STAB1: variants seen among roughly 807,000 people sequenced by gnomAD.
STAB1 encodes the protein stabilin-1.
STAB1 carries 250 observed loss-of-function variants against 332.4 expected under a neutral mutation model. The observed-to-expected ratio is 0.75, with a 90% CI of 0.68 to 0.84. The LOEUF is 0.84. Ranked by LOEUF, STAB1 falls within the 40% of genes least tolerant of loss-of-function variation. The pLI, the probability that STAB1 is intolerant of heterozygous loss-of-function variation, is 0.00. For missense variants in STAB1, 3,249 were observed against 3,489.7 expected (o/e 0.93, Z 1.74); for synonymous variants, 1,475 against 1,390.4 (o/e 1.06, Z -1.35).
chr3:52,520,465 C>T lies in STAB1; in HGVS notation c.5565C>T (p.Gly1855=). ...AGCGGCACTTGCCCTTTGAGGGTGG[C>T]CTGGCCTATGGCATCGACCAGCTGC... is the stretch of plus-strand genomic sequence containing the variant. ...IVQRHLPFEG[G]LAYGIDQLLE... The change falls in exon 53 of 69, where the codon GGC becomes GGT. Residue 1855 remains glycine (G), a synonymous_variant. Coordinates refer to ENST00000321725, the MANE Select transcript of STAB1 (RefSeq NM_015136.3). 3.1e-6 allele frequency: 5 copies of T among 1,612,732 alleles called. No homozygotes were observed. The highest frequency in any genetic ancestry group is 1.3e-5 in the African/African-American group (1 of 75,052).
intron 10 of STAB1, 100 bp from the exon 11 acceptor site, chr3:52,504,361 C>A: frequency 2.1e-6 from 3 of 1,406,772 alleles, no homozygotes; most frequent in South Asian, 1.2e-5. Flanking sequence ...AGAATACCCC[C>A]ACCCCAACTC....
chr3:52,514,856 C>T (rs199923876), intron 35 of STAB1, 27 bp downstream of exon 35: 156 of 1,612,798 alleles, frequency 9.7e-5, no homozygotes, highest in African/African-American at 1.9e-4. Flanking sequence ...ACAGGAAGGC[C>T]GGCACGGGAG....
rs372853226 is a variant in STAB1 at position 52,518,766 on chromosome 3, G to A, written c.4931G>A (p.Arg1644His). ...RIRAHRQLVF[R>H]YHVVGCRRLR... Reference sequence around the variant, plus strand: ...CGTGCGCATCGCCAGCTGGTGTTTCGCTACCACGTGGTTGGCTGTCGGCGG... The same window carrying A: ...CGTGCGCATCGCCAGCTGGTGTTTCACTACCACGTGGTTGGCTGTCGGCGG... Residue 1644 changes from arginine to histidine, a missense_variant, in exon 48 of 69, where the codon CGC becomes CAC. Transcript: ENST00000321725. 1.6e-5 allele frequency: 25 copies of A among 1,612,536 alleles called. 1 individual carries two copies. Among genetic ancestry groups the A allele is most frequent in the Admixed American group, 3.3e-5 (2 of 59,988 alleles).
In STAB1 at chr3:52,519,387, G is replaced by T. The variant is rs756728259; in HGVS notation, c.5158G>T (p.Asp1720Tyr). ...CGAGGCGCTGCACTGGGAGCCTGATGATGCTCCCATCCCGAGGGTATGACA... is the reference window on the plus strand; with the variant it reads ...CGAGGCGCTGCACTGGGAGCCTGATTATGCTCCCATCCCGAGGGTATGACA... ...PPEALHWEPD[D>Y]APIPRRNVTA... is the part of the protein sequence containing the mutation. The change falls in exon 49 of 69, where the codon GAT (aspartate) becomes TAT (tyrosine). Residue 1720 changes from aspartate (D) to tyrosine (Y), a missense_variant. Transcript: ENST00000321725. 1 of 1,613,102 alleles carries T rather than the reference G, an allele frequency of 6.2e-7. No individual in the cohort carries two copies. The highest frequency in any genetic ancestry group is 8.5e-7 in the Non-Finnish European group (1 of 1,179,990).
intron 3 of STAB1, 80 bp from the exon 4 acceptor site, chr3:52,501,926 T>C: frequency 5.1e-6 from 8 of 1,557,496 alleles, no homozygotes; most frequent in Non-Finnish European, 7.0e-6. Context: ...AGGGGCCGAG[T>C]CTGGGGTTGG....
At chr3:52,507,793 C>T in intron 19 of STAB1, 118 bp downstream of exon 19, 1 of 1,478,146 alleles carries the variant, frequency 6.8e-7, no homozygotes. Flanking sequence ...CACCTGGAGG[C>T]TAAGTGCTTC....
chr3:52,501,422 C>A (rs1708433881), intron 2 of STAB1, 120 bp downstream of exon 2: 2 of 1,472,598 alleles, frequency 1.4e-6, no homozygotes, highest in Non-Finnish European at 9.2e-7. Flanking sequence ...GCCCCTGTGG[C>A]CCCACCTGGG....
At chr3:52,514,588 A>C (rs1709544789) in intron 34 of STAB1, 92 bp downstream of exon 34, 1 of 1,556,172 alleles carries the variant, frequency 6.4e-7, no homozygotes, top group South Asian at 1.2e-5. Flanking sequence ...TGAGCCTCCA[A>C]CCTCTAACCT....
In STAB1 at chr3:52,495,560, G is replaced by A. The variant is rs1410182330; in HGVS notation, c.78+69G>A. The A allele has an allele frequency of 4.1e-6, 5 of 1,232,566 alleles. No individual in the cohort carries two copies. The East Asian group carries it at 1.2e-4, about 31-fold the overall frequency. The allele number at this position is 1,232,566 out of a possible 1,614,324, so 76.4% of individuals were successfully genotyped here. On this transcript the variant is annotated intron_variant, in intron 1 of 68. Transcript: ENST00000321725. ...GCCGGCCAGCGGTGGGAACAGGGAG[G>A]GACTGACATGGAGGGGCAGGGGCCT...
rs1190010859 is a variant in STAB1, at chr3:52,505,342, C to G, written c.1542C>G (p.Ala514=). The change falls in exon 14 of 69, where the codon GCC becomes GCG. Residue 514 remains alanine (A), a synonymous_variant. Coordinates refer to ENST00000321725, the MANE Select transcript of STAB1 (RefSeq NM_015136.3). ...DPKRTIGQIL[A]STEAFSRFET... ...AGAGAACTATCGGACAGATCCTCGC[C>G]TCTACCGAGGCCTTCAGCCGCTTTG... The G allele has an allele frequency of 2.5e-6, 4 of 1,613,694 alleles. No individual in the cohort carries two copies. The highest frequency in any genetic ancestry group is 3.4e-6 in the Non-Finnish European group (4 of 1,179,938).
At chr3:52,511,796 T>C in intron 26 of STAB1, 51 bp downstream of exon 26, 2 of 1,422,608 alleles carry the variant, frequency 1.4e-6, no homozygotes, top group Non-Finnish European at 1.9e-6. Flanking sequence ...GGGGTGAGCC[T>C]GGGCTGCAGC....
intron 1 of STAB1, among the ~76,000 whole-genome samples, chr3:52,498,276 G>T (rs188672124): frequency 1.3e-4 from 20 of 152,340 alleles, no homozygotes; most frequent in Admixed American, 3.3e-4. Context: ...GTGGGGTTGG[G>T]GGGGAGACAG....
In STAB1 at chr3:52,524,143, G is replaced by T. The variant is rs760365285; in HGVS notation, c.7586G>T (p.Gly2529Val). 1.2e-6 allele frequency: 2 copies of T among 1,613,982 alleles called. No homozygotes were observed. Among genetic ancestry groups the T allele is most frequent in the South Asian group, 2.2e-5 (2 of 91,090 alleles). Reference sequence around the variant, plus strand: ...GACGACTTCTCACCGTGGCAAGAAGGGACCAACCCCACCCTGGTCTCTGTC... The same window carrying T: ...GACGACTTCTCACCGTGGCAAGAAGTGACCAACCCCACCCTGGTCTCTGTC... ...ADDDFSPWQEGTNPTLVSVPN... is the reference protein window; with the variant it reads ...ADDDFSPWQEVTNPTLVSVPN... The change falls in exon 68 of 69, where the codon GGG (glycine) becomes GTG (valine). Residue 2529 changes from glycine to valine, a missense_variant. Gly to Val is a moderately radical substitution (Grantham distance 109). Transcript: ENST00000321725.
In STAB1 at chr3:52,518,849, C is replaced by T. The variant is rs760517507; in HGVS notation, c.5014C>T (p.Leu1672=). 1.2e-6 allele frequency: 2 copies of T among 1,602,206 alleles called. No homozygotes were observed. Among genetic ancestry groups the T allele is most frequent in the African/African-American group, 1.3e-5 (1 of 74,864 alleles). ...CGCCACGGCCCTCTCAGGGCACCCACTGCGCTTCAGCGAGAGGGAGGTGAG... is the reference window on the plus strand; with the variant it reads ...CGCCACGGCCCTCTCAGGGCACCCATTGCGCTTCAGCGAGAGGGAGGTGAG... ...GYATALSGHP[L]RFSEREGSIY... The change falls in exon 48 of 69, where the codon CTG becomes TTG. Residue 1672 remains leucine, a synonymous_variant. Transcript: ENST00000321725.
At position 52,524,152 on chromosome 3, in the gene STAB1, C is replaced by T. The variant is rs1301592467; in HGVS notation, c.7595C>T (p.Pro2532Leu). 1 of 1,614,038 alleles carries T rather than the reference C, an allele frequency of 6.2e-7. No individual in the cohort carries two copies. Among genetic ancestry groups the T allele is most frequent in the Middle Eastern group, 1.6e-4 (1 of 6,062 alleles). Residue 2532 changes from proline (P) to leucine (L), a missense_variant, in exon 68 of 69, where the codon CCC becomes CTC. Transcript: ENST00000321725. Reference sequence around the variant, plus strand: ...TCACCGTGGCAAGAAGGGACCAACCCCACCCTGGTCTCTGTCCCCAACCCT... The same window carrying T: ...TCACCGTGGCAAGAAGGGACCAACCTCACCCTGGTCTCTGTCCCCAACCCT... Reference protein sequence around the residue: ...DFSPWQEGTNPTLVSVPNPVF... With the variant: ...DFSPWQEGTNLTLVSVPNPVF...
At chr3:52,507,846 C>A in intron 19 of STAB1, 85 bp from the exon 20 acceptor site, 1 of 1,477,394 alleles carries the variant, frequency 6.8e-7, no homozygotes, top group Non-Finnish European at 9.4e-7. Flanking sequence ...ACCCAGGGGG[C>A]AGAGGTCCCT....
chr3:52,520,390 C>T lies in STAB1; in HGVS notation c.5500-10C>T, dbSNP rs367832681. ...GCGACCCTTGCATACCTCATATTCTCTCCTTGCAGGGTGAGCTCATGGTGG... is the reference window on the plus strand; with the variant it reads ...GCGACCCTTGCATACCTCATATTCTTTCCTTGCAGGGTGAGCTCATGGTGG... On this transcript the variant is annotated splice_polypyrimidine_tract_variant and intron_variant, in intron 52 of 68. Coordinates refer to ENST00000321725, the MANE Select transcript of STAB1 (RefSeq NM_015136.3). The T allele has an allele frequency of 1.5e-5, 24 of 1,611,890 alleles. No homozygotes were observed. The highest frequency in any genetic ancestry group is 1.6e-4 in the Middle Eastern group (1 of 6,082).
intron 37 of STAB1, 52 bp from the exon 38 acceptor site, chr3:52,515,991 C>G: frequency 6.6e-7 from 1 of 1,521,644 alleles, no homozygotes; most frequent in South Asian, 1.3e-5. Context: ...CCCCTTCCCC[C>G]TGACACCTTG....
chr3:52,514,910 G>T (rs1000698102), intron 35 of STAB1, 79 bp from the exon 36 acceptor site: 1 of 1,612,298 alleles, frequency 6.2e-7, no homozygotes, highest in Non-Finnish European at 8.5e-7. Flanking sequence ...GTGGGGAGGG[G>T]CGCATGGTCA....
Sources: allele counts gnomAD v4.1 joint callset (sites outside exome capture counted in the v4.1 genomes callset), GRCh38; gene constraint gnomAD v4.1.1; transcripts MANE v1.5; gene names NCBI Gene and HGNC (gene_info 2026-07-23, HGNC 2026-07-21).